The following SIX4 variants were observed in gnomAD, a reference collection of about 807,000 sequenced individuals.
SIX4 encodes the protein SIX homeobox 4.
In SIX4, 23 loss-of-function variants were observed where a neutral mutation model predicts 51.5. The observed-to-expected ratio is 0.45, with a 90% CI of 0.32 to 0.63. The LOEUF (loss-of-function observed/expected upper bound fraction) is 0.63. SIX4 is among the 30% of genes least tolerant of loss of function. The probability of loss-of-function intolerance (pLI) is 0.04; values close to 1 mark genes in which losing one functional copy is unlikely to be tolerated. For missense variants in SIX4, 867 were observed against 984.0 expected (o/e 0.88, Z 1.59); for synonymous variants, 413 against 417.3 (o/e 0.99, Z 0.13).
chr14:60,714,716 A>T (rs1355913786), intron 2 of SIX4, among the ~76,000 whole-genome samples: 1 of 149,544 alleles, frequency 6.7e-6, no homozygotes, highest in Admixed American at 6.7e-5. Context: ...ACCAGGCTGG[A>T]GTGCAGTGGA....
rs1230288366 is a variant in SIX4, at chr14:60,719,539, TA to T, written c.1549+220del. Among the ~76,000 whole-genome samples the T allele has an allele frequency of 2.0e-5, 3 of 152,302 alleles. No individual in the cohort carries two copies. Among genetic ancestry groups the T allele is most frequent in the East Asian group, 3.9e-4 (2 of 5,184 alleles). On this transcript the variant is annotated intron_variant, in intron 2 of 2. Transcript: ENST00000216513. The surrounding 1 kb of genome is among the most constrained non-coding windows in gnomAD (Gnocchi z 4.9). ...CTGTATTTTTCCATTCAGTTGTTAG[TA>T]AAATAAAAGCCCATCCTCATGATGC...
At chr14:60,716,229 G>A (rs764752867) in intron 2 of SIX4, among the ~76,000 whole-genome samples, 16 of 151,026 alleles carry the variant, frequency 1.1e-4, no homozygotes, top group Non-Finnish European at 1.5e-4. Context: ...CTACAGGTAC[G>A]TACTACTATG....
Position 60,723,023 on chromosome 14 carries a change from CCCGCCCCCCGCCTCCG to C in SIX4, c.863+173_863+188del, listed in dbSNP as rs1478586069. The C allele has an allele frequency of 3.7e-6, 5 of 1,352,440 alleles. No individual in the cohort carries two copies. In the African/African-American group the frequency reaches 7.5e-5, roughly 20 times the overall value. 83.8% of individuals were successfully genotyped at this position (1,352,440 alleles called of 1,614,324 possible). On this transcript the variant is annotated intron_variant, in intron 1 of 2. Coordinates refer to ENST00000216513, the MANE Select transcript of SIX4 (RefSeq NM_017420.5). Reference sequence around the variant, plus strand: ...GGGGGAGGGTAAGGAGGGAGGTTCCCCCGCCCCCCGCCTCCGCCGCCCCCTACCTCTGCCGGCCGGG... The same window carrying C: ...GGGGGAGGGTAAGGAGGGAGGTTCCCCCGCCCCCTACCTCTGCCGGCCGGG...
chr14:60,713,437 G>C lies in SIX4; in HGVS notation c.2316C>G (p.Val772=), dbSNP rs1425642989. The part of the protein sequence containing the change: ...DKKELAKLQT[V]QLDEDMQDL Reference sequence around the variant, plus strand: ...AGTCTTGCATATCTTCATCCAGCTGGACAGTCTGGAGCTTGGCAAGCTCTT... The same window carrying C: ...AGTCTTGCATATCTTCATCCAGCTGCACAGTCTGGAGCTTGGCAAGCTCTT... Residue 772 remains valine, a synonymous_variant, in exon 3 of 3, where the codon GTC becomes GTG. Coordinates refer to ENST00000216513, the MANE Select transcript of SIX4 (RefSeq NM_017420.5). The C allele has an allele frequency of 1.2e-6, 2 of 1,610,646 alleles. No individual in the cohort carries two copies. The highest frequency in any genetic ancestry group is 8.5e-7 in the Non-Finnish European group (1 of 1,178,670).
rs1896005556 is a variant in SIX4, at chr14:60,720,748, A to G, written c.864-303T>C. Among the ~76,000 whole-genome samples, 1 of 152,218 alleles carries G rather than the reference A, an allele frequency of 6.6e-6. No homozygotes were observed. The highest frequency in any genetic ancestry group is 1.5e-5 in the Non-Finnish European group (1 of 68,040). ...AGGAGAAGAACATATTTGATTTTACAGTGTAGAAGTGCTATTCCTTACTGT... is the reference window on the plus strand; with the variant it reads ...AGGAGAAGAACATATTTGATTTTACGGTGTAGAAGTGCTATTCCTTACTGT... On this transcript the variant is annotated intron_variant, in intron 1 of 2. Coordinates refer to ENST00000216513, the MANE Select transcript of SIX4 (RefSeq NM_017420.5). This position sits in a 1 kb window ranked among gnomAD's most constrained non-coding sequence, Gnocchi z 5.5.
At chr14:60,715,350 C>A (rs1233569841) in intron 2 of SIX4, among the ~76,000 whole-genome samples, 1 of 152,138 alleles carries the variant, frequency 6.6e-6, no homozygotes, top group East Asian at 1.9e-4. Flanking sequence ...ATGAGTTACC[C>A]TGGGGCTTAA....
Position 60,723,889 on chromosome 14 carries a change from G to T in SIX4, c.186C>A (p.Ala62=). ...CCCCTTCCTCTCCGCTCACCCTGGC[G>T]GCAGCGGTCGCGGCGTCCCCCGGCT... ...PLEPGDAATA[A]ARVSGEEGAV... Residue 62 remains alanine, a synonymous_variant, in exon 1 of 3, where the codon GCC becomes GCA. Coordinates refer to ENST00000216513, the MANE Select transcript of SIX4 (RefSeq NM_017420.5). 1 of 1,527,074 alleles carries T rather than the reference G, an allele frequency of 6.5e-7. No homozygotes were observed. The highest frequency in any genetic ancestry group is 1.3e-5 in the South Asian group (1 of 78,692). The allele number at this position is 1,527,074 out of a possible 1,614,324, so 94.6% of individuals were successfully genotyped here.
At position 60,721,645 on chromosome 14, in the gene SIX4, G is replaced by A. The variant is rs1261218790; in HGVS notation, c.864-1200C>T. ...TGTGGAGTTTATGGGGTGGGGCGGG[G>A]GGGACGAAGAAGCCAGCAGTGGAGC... On this transcript the variant is annotated intron_variant, in intron 1 of 2. Coordinates refer to ENST00000216513, the MANE Select transcript of SIX4 (RefSeq NM_017420.5). Among the ~76,000 whole-genome samples the A allele has an allele frequency of 4.1e-4, 58 of 141,898 alleles. 1 individual carries two copies. Among genetic ancestry groups the A allele is most frequent in the African/African-American group, 1.3e-3 (51 of 39,812 alleles). 93.1% of individuals were successfully genotyped at this position (141,898 alleles called of 152,430 possible). A position where few individuals can be genotyped will look rare whatever the true frequency, so the allele number is the denominator to read the frequency against.
In SIX4 at chr14:60,723,918, G is replaced by A; in HGVS notation, c.157C>T (p.Leu53=). 6.6e-7 allele frequency: 1 copy of A among 1,514,966 alleles called. No individual in the cohort carries two copies. The highest frequency in any genetic ancestry group is 1.3e-5 in the South Asian group (1 of 74,994). The allele number at this position is 1,514,966 out of a possible 1,614,324, so 93.8% of individuals were successfully genotyped here. A position where few individuals can be genotyped will look rare whatever the true frequency, so the allele number is the denominator to read the frequency against. Residue 53 remains leucine (L), a synonymous_variant, in exon 1 of 3, where the codon CTG becomes TTG. Coordinates refer to ENST00000216513, the MANE Select transcript of SIX4 (RefSeq NM_017420.5). ...GCGGTCGCGGCGTCCCCCGGCTCCA[G>A]GGGAAAAGGGGCTGGAGCCGGGGGG... ...LSPPAPAPFP[L]EPGDAATAAA...
chr14:60,723,921 G>A lies in SIX4; in HGVS notation c.154C>T (p.Pro52Ser). ...GLSPPAPAPF[P>S]LEPGDAATAA... is the part of the protein sequence containing the mutation. ...GTCGCGGCGTCCCCCGGCTCCAGGG[G>A]AAAAGGGGCTGGAGCCGGGGGGCTC... Residue 52 changes from proline to serine, a missense_variant, in exon 1 of 3, where the codon CCC (proline) becomes TCC (serine). Transcript: ENST00000216513. 2 of 1,515,494 alleles carry A rather than the reference G, an allele frequency of 1.3e-6. No homozygotes were observed. The allele number at this position is 1,515,494 out of a possible 1,614,324, so 93.9% of individuals were successfully genotyped here.
chr14:60,716,198 C>A (rs1895917898), intron 2 of SIX4, among the ~76,000 whole-genome samples: 1 of 151,194 alleles, frequency 6.6e-6, no homozygotes, highest in Non-Finnish European at 1.5e-5. Flanking sequence ...CCTCCCACTT[C>A]AGCCTCCCAA....
intron 2 of SIX4, among the ~76,000 whole-genome samples, chr14:60,714,642 C>A (rs1039295058): frequency 5.9e-5 from 9 of 151,788 alleles, no homozygotes; most frequent in Non-Finnish European, 1.2e-4. Context: ...GAGGATAGAA[C>A]ATGTCAAAGG....
rs1895841304 is a variant in SIX4, at chr14:60,712,486, T to G, written c.*921A>C. ...AGAGTTGCTAAATAAAGAACAAGGA[T>G]GTGAAAAAAAGTACCAAAATTCCAA... is the stretch of plus-strand genomic sequence containing the variant. On this transcript the variant is annotated 3_prime_UTR_variant, in exon 3 of 3. Coordinates refer to ENST00000216513, the MANE Select transcript of SIX4 (RefSeq NM_017420.5). The G allele has an allele frequency of 6.6e-6, 1 of 152,550 alleles. No individual in the cohort carries two copies. Among genetic ancestry groups the G allele is most frequent in the Non-Finnish European group, 1.5e-5 (1 of 68,006 alleles). The allele number at this position is 152,550 out of a possible 1,614,324, so 9.4% of individuals were successfully genotyped here. A position where few individuals can be genotyped will look rare whatever the true frequency, so the allele number is the denominator to read the frequency against.
rs1331910072 is a variant in SIX4 at position 60,720,070 on chromosome 14, A to G, written c.1239T>C (p.Ser413=). ...TGAATTCCTTCACGTCCTGGGAAGT[A>G]GACCCCAGTATGTCAGTCATGGATA... is the stretch of plus-strand genomic sequence containing the variant. ...NGISMTDILG[S]TSQDVKEFKV... is the part of the protein sequence containing the mutation. Residue 413 remains serine, a synonymous_variant, in exon 2 of 3, where the codon TCT becomes TCC. Transcript: ENST00000216513. This position sits in a 1 kb window ranked among gnomAD's most constrained non-coding sequence, Gnocchi z 5.5. 1 of 1,614,244 alleles carries G rather than the reference A, an allele frequency of 6.2e-7. No homozygotes were observed.
rs1231052123 is a variant in SIX4, at chr14:60,710,215, G to C, written c.*3192C>G. On this transcript the variant is annotated 3_prime_UTR_variant, in exon 3 of 3. Coordinates refer to ENST00000216513, the MANE Select transcript of SIX4 (RefSeq NM_017420.5). ...CATGCAAGATACAAGGGCATACACA[G>C]AGAGATTTAAGGTCAGTGTGCAATT... is the stretch of plus-strand genomic sequence containing the variant. 1 of 152,632 alleles carries C rather than the reference G, an allele frequency of 6.6e-6. No individual in the cohort carries two copies. Among genetic ancestry groups the C allele is most frequent in the Non-Finnish European group, 1.5e-5 (1 of 68,028 alleles). 9.5% of individuals were successfully genotyped at this position (152,632 alleles called of 1,614,324 possible).
Position 60,717,031 on chromosome 14 carries a change from G to T in SIX4, c.1549+2729C>A. ...AAAACTGCTTTTATTTGAAAACACT[G>T]CCTTCAACTTAAGTATGCTTTAAAA... On this transcript the variant is annotated intron_variant, in intron 2 of 2. Coordinates refer to ENST00000216513, the MANE Select transcript of SIX4 (RefSeq NM_017420.5). The surrounding 1 kb of genome is among the most constrained non-coding windows in gnomAD (Gnocchi z 4.6). 3.7e-6 allele frequency: 1 copy of T among 271,538 alleles called. No individual in the cohort carries two copies. The highest frequency in any genetic ancestry group is 7.1e-6 in the Non-Finnish European group (1 of 141,366). The allele number at this position is 271,538 out of a possible 1,614,324, so 16.8% of individuals were successfully genotyped here.
At chr14:60,718,719 G>T (rs887721185) in intron 2 of SIX4, among the ~76,000 whole-genome samples, 1 of 152,158 alleles carries the variant, frequency 6.6e-6, no homozygotes, top group East Asian at 1.9e-4. Flanking sequence ...AAATGCAAAT[G>T]TACAGAATGA....
intron 1 of SIX4, chr14:60,721,277 T>C: frequency 4.8e-6 from 1 of 207,026 alleles, no homozygotes; most frequent in Non-Finnish European, 8.2e-6. Flanking sequence ...AAATACCAAA[T>C]CGGGGTTGGG....
At position 60,717,122 on chromosome 14, in the gene SIX4, T is replaced by A. The variant is rs1004554721; in HGVS notation, c.1549+2638A>T. The A allele has an allele frequency of 3.3e-6, 1 of 300,878 alleles. No homozygotes were observed. The highest frequency in any genetic ancestry group is 2.3e-5 in the African/African-American group (1 of 43,134). 18.6% of individuals were successfully genotyped at this position (300,878 alleles called of 1,614,324 possible). ...GGGGTTTTGCTCTTGTTGCCCAGGC[T>A]GGAGTGCAATGGCGTGATCTCGGCT... On this transcript the variant is annotated intron_variant, in intron 2 of 2. Coordinates refer to ENST00000216513, the MANE Select transcript of SIX4 (RefSeq NM_017420.5). This position sits in a 1 kb window ranked among gnomAD's most constrained non-coding sequence, Gnocchi z 4.6.
Sources: allele counts gnomAD v4.1 joint callset (sites outside exome capture counted in the v4.1 genomes callset), GRCh38; gene constraint gnomAD v4.1.1; non-coding constraint Gnocchi (gnomAD v3.1); transcripts MANE v1.5; gene names NCBI Gene and HGNC (gene_info 2026-07-23, HGNC 2026-07-21).